MMP24: variants seen among roughly 807,000 people sequenced by gnomAD.
The protein encoded by MMP24 is matrix metallopeptidase 24, also known as matrix metalloproteinase-24.
Under a neutral mutation model 62.8 loss-of-function variants are expected in MMP24, and 25 were observed. The ratio of observed to expected loss-of-function variants is 0.40; its 90% confidence interval spans 0.29 to 0.56. The LOEUF (loss-of-function observed/expected upper bound fraction) is 0.56. Ranked by LOEUF, MMP24 falls within the 20% of genes least tolerant of loss-of-function variation. The probability of loss-of-function intolerance (pLI) is 0.50; values close to 1 mark genes in which losing one functional copy is unlikely to be tolerated. For missense variants in MMP24, 634 were observed against 853.6 expected (o/e 0.74, Z 3.21); for synonymous variants, 319 against 350.5 (o/e 0.91, Z 1.00).
At position 35,272,108 on chromosome 20, in the gene MMP24, T is replaced by C. The variant is rs187303730; in HGVS notation, c.1600+273T>C. On this transcript the variant is annotated intron_variant, in intron 8 of 8. Transcript: ENST00000246186. ...TCAGACAGCATTTCTCAAACACTTATCCTCAGTGTACTCCAGGGACGCCTT... is the reference window on the plus strand; with the variant it reads ...TCAGACAGCATTTCTCAAACACTTACCCTCAGTGTACTCCAGGGACGCCTT... 2.0e-5 allele frequency: 11 copies of C among 544,088 alleles called. No individual in the cohort carries two copies. In the Admixed American group the frequency reaches 2.5e-4, roughly 12 times the overall value. 33.7% of individuals were successfully genotyped at this position (544,088 alleles called of 1,614,324 possible). A position where few individuals can be genotyped will look rare whatever the true frequency, so the allele number is the denominator to read the frequency against.
chr20:35,229,603 G>T (rs182638368), intron 1 of MMP24, among the ~76,000 whole-genome samples: 53 of 152,224 alleles, frequency 3.5e-4, no homozygotes, highest in Admixed American at 2.4e-3. Flanking sequence ...ACACCTTATA[G>T]AAATATTGTT....
At position 35,274,686 on chromosome 20, in the gene MMP24, GCCAGTGCTCA is replaced by G. The variant is rs1306794985; in HGVS notation, c.*82_*91del. ...CACCAGGGTCTGAGGGGCAGCTCTG[GCCAGTGCTCA>G]CCAGGGCCAGCAGGGCCCTAGGCTG... On this transcript the variant is annotated 3_prime_UTR_variant, in exon 9 of 9. Transcript: ENST00000246186. The surrounding 1 kb of genome is among the most constrained non-coding windows in gnomAD (Gnocchi z 5.1). 1.5e-6 allele frequency: 2 copies of G among 1,312,308 alleles called. No homozygotes were observed. The highest frequency in any genetic ancestry group is 4.8e-5 in the Admixed American group (2 of 42,036). The allele number at this position is 1,312,308 out of a possible 1,614,324, so 81.3% of individuals were successfully genotyped here.
At chr20:35,250,952 A>C (rs751634824) in intron 2 of MMP24, among the ~76,000 whole-genome samples, 1 of 152,190 alleles carries the variant, frequency 6.6e-6, no homozygotes, top group African/African-American at 2.4e-5. Flanking sequence ...AATTTCAGGC[A>C]CTGGGCTACC....
intron 4 of MMP24, among the ~76,000 whole-genome samples, chr20:35,257,613 A>T (rs982883127): frequency 2.6e-5 from 4 of 152,122 alleles, no homozygotes; most frequent in African/African-American, 9.7e-5. Context: ...CACTTCCCAC[A>T]CCTGCTCCTT....
chr20:35,245,146 C>G (rs2060508092), intron 1 of MMP24, among the ~76,000 whole-genome samples: 2 of 152,184 alleles, frequency 1.3e-5, no homozygotes, highest in Non-Finnish European at 2.9e-5. Flanking sequence ...CCTGCCTCAG[C>G]CTCCCAAGTA....
At chr20:35,232,684 T>C (rs1388924229) in intron 1 of MMP24, among the ~76,000 whole-genome samples, 1 of 152,162 alleles carries the variant, frequency 6.6e-6, no homozygotes, top group Non-Finnish European at 1.5e-5. Flanking sequence ...ATGCATGGCA[T>C]GTTTAGGAAA....
chr20:35,274,611 C>T lies in MMP24; in HGVS notation c.*2C>T. On this transcript the variant is annotated 3_prime_UTR_variant, in exon 9 of 9. Transcript: ENST00000246186. The surrounding 1 kb of genome is among the most constrained non-coding windows in gnomAD (Gnocchi z 5.1). ...CGGCCAGTCCAGGAATGGGTGTGAG[C>T]AGCCCAGAGCCCTCTCTATCCACTT... 1.3e-6 allele frequency: 2 copies of T among 1,596,262 alleles called. No individual in the cohort carries two copies. The highest frequency in any genetic ancestry group is 1.7e-6 in the Non-Finnish European group (2 of 1,170,278).
Position 35,275,954 on chromosome 20 carries a change from G to T in MMP24, c.*1345G>T. ...CTTGGCCTGCCTTGCTCCACAGTAC[G>T]GCGGAGGCAGCCCTGCTTGTCACTG... On this transcript the variant is annotated 3_prime_UTR_variant, in exon 9 of 9. Coordinates refer to ENST00000246186, the MANE Select transcript of MMP24 (RefSeq NM_006690.4). 1 of 398,566 alleles carries T rather than the reference G, an allele frequency of 2.5e-6. No homozygotes were observed. The allele number at this position is 398,566 out of a possible 1,614,324, so 24.7% of individuals were successfully genotyped here. A position where few individuals can be genotyped will look rare whatever the true frequency, so the allele number is the denominator to read the frequency against.
At chr20:35,237,377 A>G (rs1267543461) in intron 1 of MMP24, among the ~76,000 whole-genome samples, 1 of 152,172 alleles carries the variant, frequency 6.6e-6, no homozygotes, top group African/African-American at 2.4e-5. Context: ...CAGCACTGCT[A>G]TAACCTATGT....
chr20:35,246,849 A>G lies in MMP24; in HGVS notation c.256A>G (p.Lys86Glu). The G allele has an allele frequency of 6.2e-7, 1 of 1,614,016 alleles. No homozygotes were observed. ...EAPFAGQNWL[K>E]SYGYLLPYDS... is the part of the protein sequence containing the mutation. ...TTCCCGTGTCTTTCAGAACTGGTTA[A>G]AGTCCTATGGCTATCTGCTTCCCTA... The change falls in exon 2 of 9, where the codon AAG (lysine) becomes GAG (glutamate). Residue 86 changes from lysine to glutamate, a missense_variant. Lys to Glu is a moderately conservative substitution (Grantham distance 56, BLOSUM62 1). This residue lies in a region of MMP24 where 212 missense variants were observed against 259.6 expected (regional missense o/e 0.82). Transcript: ENST00000246186.
At position 35,276,311 on chromosome 20, in the gene MMP24, A is replaced by C. The variant is rs1221610501; in HGVS notation, c.*1702A>C. ...GCAGGCTCCCTGGGACAGGCAGGGA[A>C]CAACTGCGGAGATATTAGTGATTCA... On this transcript the variant is annotated 3_prime_UTR_variant, in exon 9 of 9. Coordinates refer to ENST00000246186, the MANE Select transcript of MMP24 (RefSeq NM_006690.4). 2 of 398,996 alleles carry C rather than the reference A, an allele frequency of 5.0e-6. No individual in the cohort carries two copies. The highest frequency in any genetic ancestry group is 2.1e-5 in the African/African-American group (1 of 48,640). 24.7% of individuals were successfully genotyped at this position (398,996 alleles called of 1,614,324 possible). A position where few individuals can be genotyped will look rare whatever the true frequency, so the allele number is the denominator to read the frequency against.
chr20:35,255,307 G>A (rs915163286), intron 4 of MMP24, among the ~76,000 whole-genome samples: 3 of 152,010 alleles, frequency 2.0e-5, no homozygotes, highest in Non-Finnish European at 2.9e-5. Context: ...CTCCAGCCCA[G>A]GCGACAAGAG....
At chr20:35,256,769 T>C (rs916839005) in intron 4 of MMP24, among the ~76,000 whole-genome samples, 4 of 150,848 alleles carry the variant, frequency 2.7e-5, no homozygotes, top group African/African-American at 4.9e-5. Context: ...CCTAACCTCT[T>C]GTCATTCTGA....
In MMP24 at chr20:35,276,528, C is replaced by T; in HGVS notation, c.*1919C>T. Reference sequence around the variant, plus strand: ...TGGGTCTTGTGTCCCCATCTGTGGACCCCTCTAGGGTCTGAGATGAGATGA... The same window carrying T: ...TGGGTCTTGTGTCCCCATCTGTGGATCCCTCTAGGGTCTGAGATGAGATGA... On this transcript the variant is annotated 3_prime_UTR_variant, in exon 9 of 9. Transcript: ENST00000246186. 2.6e-6 allele frequency: 1 copy of T among 383,578 alleles called. No individual in the cohort carries two copies. 23.8% of individuals were successfully genotyped at this position (383,578 alleles called of 1,614,324 possible).
At chr20:35,250,989 G>A (rs2060542598) in intron 2 of MMP24, among the ~76,000 whole-genome samples, 1 of 152,120 alleles carries the variant, frequency 6.6e-6, no homozygotes, top group Non-Finnish European at 1.5e-5. Context: ...ATGATGAATA[G>A]GACATAGTTC....
chr20:35,234,819 A>G (rs1026013588), intron 1 of MMP24, among the ~76,000 whole-genome samples: 6 of 152,202 alleles, frequency 3.9e-5, no homozygotes, highest in Non-Finnish European at 8.8e-5. Context: ...AGGCTGGAGG[A>G]TTGCTTGAGA....
chr20:35,254,393 G>A (rs769111937), intron 3 of MMP24, 57 bp from the exon 4 acceptor site: 90 of 1,475,890 alleles, frequency 6.1e-5, no homozygotes, highest in Non-Finnish European at 8.2e-5. Context: ...ATCTATTTTA[G>A]CTCTGCTAGT....
Position 35,274,336 on chromosome 20 carries a change from G to C in MMP24, c.1665G>C (p.Glu555Asp). ...WKFDNQKLSV[E>D]PGYPRNILRD... ...TTGACAACCAGAAACTGAGCGTGGA[G>C]CCAGGCTACCCGCGCAACATCCTGC... The change falls in exon 9 of 9, where the codon GAG becomes GAC. Residue 555 changes from glutamate to aspartate, a missense_variant. This residue lies in a region of MMP24 where 399 missense variants were observed against 530.8 expected (regional missense o/e 0.75). Coordinates refer to ENST00000246186, the MANE Select transcript of MMP24 (RefSeq NM_006690.4). The surrounding 1 kb of genome is among the most constrained non-coding windows in gnomAD (Gnocchi z 5.1). The C allele has an allele frequency of 6.2e-7, 1 of 1,613,832 alleles. No homozygotes were observed. Among genetic ancestry groups the C allele is most frequent in the Non-Finnish European group, 8.5e-7 (1 of 1,179,900 alleles).
chr20:35,235,589 T>C (rs1449483370), intron 1 of MMP24, among the ~76,000 whole-genome samples: 2 of 152,018 alleles, frequency 1.3e-5, no homozygotes, highest in African/African-American at 2.4e-5. Flanking sequence ...TCCCAGCTAC[T>C]TAGGAGGCTG....
Sources: allele counts gnomAD v4.1 joint callset (sites outside exome capture counted in the v4.1 genomes callset), GRCh38; gene constraint gnomAD v4.1.1; regional missense constraint gnomAD v4.1.1; non-coding constraint Gnocchi (gnomAD v3.1); transcripts MANE v1.5; gene names NCBI Gene and HGNC (gene_info 2026-07-23, HGNC 2026-07-21).